WDFY4: variants seen among roughly 807,000 people sequenced by gnomAD.
The protein encoded by WDFY4 is WDFY family member 4.
Under a neutral mutation model 351.9 loss-of-function variants are expected in WDFY4, and 169 were observed. That is an observed-to-expected ratio of 0.48 (90% CI 0.42 to 0.55). WDFY4 has a LOEUF of 0.55. Ranked by LOEUF, WDFY4 falls within the 20% of genes least tolerant of loss-of-function variation. The pLI is 0.00. For missense variants in WDFY4, 3,803 were observed against 3,935.6 expected (o/e 0.97, Z 0.90); for synonymous variants, 1,622 against 1,574.6 (o/e 1.03, Z -0.71).
intron 45 of WDFY4, 29 bp downstream of exon 45, chr10:48,897,603 G>C (rs1335868565): frequency 2.0e-6 from 3 of 1,537,694 alleles, no homozygotes; most frequent in Non-Finnish European, 2.6e-6. Flanking sequence ...GGCACGCCTG[G>C]GGCCTGCGAG....
chr10:48,759,313 T>C (rs1410043370), intron 12 of WDFY4, among the ~76,000 whole-genome samples: 1 of 152,184 alleles, frequency 6.6e-6, no homozygotes, highest in East Asian at 1.9e-4. Context: ...CTCTTCTTCA[T>C]CCTTTCCTTA....
chr10:48,689,174 C>A (rs950275), intron 1 of WDFY4, among the ~76,000 whole-genome samples: 40,972 of 152,014 alleles, frequency 0.27, 5,680 homozygotes, highest in Middle Eastern at 0.37. Context: ...AGAGCTGCTA[C>A]CCGTTTTATT....
At chr10:48,888,304 CCTTCCTTCCTTT>C (rs1472888684) in intron 43 of WDFY4, among the ~76,000 whole-genome samples, 22 of 135,228 alleles carry the variant, frequency 1.6e-4, no homozygotes, top group African/African-American at 5.6e-4. Context: ...CTCTTTCCTT[CCTTCCTTCCTTT>C]CTTCCTTCTT....
chr10:48,866,732 G>T (rs1051010585), intron 39 of WDFY4, among the ~76,000 whole-genome samples: 6 of 152,180 alleles, frequency 3.9e-5, no homozygotes, highest in African/African-American at 1.4e-4. Flanking sequence ...ATCATAGTTG[G>T]AGATGGAAGC....
chr10:48,867,351 C>A lies in WDFY4; in HGVS notation c.6741+9C>A. ...ACAAAGACCATGTGCAAGTAAGAAA[C>A]AAAACATAGGCTTTCTCTATACAGC... On this transcript the variant is annotated intron_variant, in intron 40 of 61. Coordinates refer to ENST00000325239, the MANE Select transcript of WDFY4 (RefSeq NM_001394531.1). 1 of 1,471,296 alleles carries A rather than the reference C, an allele frequency of 6.8e-7. No homozygotes were observed. The highest frequency in any genetic ancestry group is 9.1e-7 in the Non-Finnish European group (1 of 1,104,768). The allele number at this position is 1,471,296 out of a possible 1,614,324, so 91.1% of individuals were successfully genotyped here.
intron 39 of WDFY4, among the ~76,000 whole-genome samples, chr10:48,848,763 C>T (rs981666328): frequency 6.6e-6 from 1 of 152,348 alleles, no homozygotes; most frequent in Admixed American, 6.5e-5. Flanking sequence ...GCAGAGCTTA[C>T]CTACTGCTGT....
rs964825139 is a variant in WDFY4, at chr10:48,805,949, A to T, written c.4647-55A>T. 1.4e-4 allele frequency: 211 copies of T among 1,460,956 alleles called. 1 individual carries two copies. The South Asian group carries it at 2.1e-3, about 14-fold the overall frequency. The allele number at this position is 1,460,956 out of a possible 1,614,324, so 90.5% of individuals were successfully genotyped here. On this transcript the variant is annotated intron_variant, in intron 26 of 61. Transcript: ENST00000325239. ...TATGTGAAAACACTGGCATGTACTC[A>T]GCGGACTCAGTTGAGCCCGCCTGCG...
At chr10:48,751,052 C>T (rs1156301700) in intron 12 of WDFY4, among the ~76,000 whole-genome samples, 1 of 152,198 alleles carries the variant, frequency 6.6e-6, no homozygotes, top group African/African-American at 2.4e-5. Flanking sequence ...TGTCCTGCAA[C>T]TGCTTCAGAT....
At position 48,823,449 on chromosome 10, in the gene WDFY4, C is replaced by T. The variant is rs564139081; in HGVS notation, c.5982+912C>T. The T allele has an allele frequency of 8.5e-5, 101 of 1,191,182 alleles. 1 individual carries two copies. In the African/African-American group the frequency reaches 1.5e-3, roughly 18 times the overall value. 73.8% of individuals were successfully genotyped at this position (1,191,182 alleles called of 1,614,324 possible). The stretch of plus-strand genomic sequence containing the variant: ...TCTCATAGAGAGTGAAATTGGCTCC[C>T]AGCACCCTTCTGACTGCAGAGTCAC... On this transcript the variant is annotated intron_variant, in intron 35 of 61. Transcript: ENST00000325239.
Position 48,803,319 on chromosome 10 carries a change from A to G in WDFY4, c.4444A>G (p.Ser1482Gly), listed in dbSNP as rs2067146082. The G allele has an allele frequency of 6.4e-7, 1 of 1,551,876 alleles. No individual in the cohort carries two copies. Among genetic ancestry groups the G allele is most frequent in the African/African-American group, 1.4e-5 (1 of 73,066 alleles). ...WMNTADNLELSLFSHLLEILQ... is the reference protein window; with the variant it reads ...WMNTADNLELGLFSHLLEILQ... The stretch of plus-strand genomic sequence containing the variant: ...GAATACTGCAGACAATCTGGAGCTC[A>G]GCCTCTTTTCCCATCTTTTGGAAAT... Residue 1482 changes from serine (S) to glycine (G), a missense_variant, in exon 25 of 62, where the codon AGC (serine) becomes GGC (glycine). By Grantham distance (56) the Ser-to-Gly change is moderately conservative. Transcript: ENST00000325239.
chr10:48,774,471 T>C lies in WDFY4; in HGVS notation c.2567T>C (p.Ile856Thr). 7 of 1,551,712 alleles carry C rather than the reference T, an allele frequency of 4.5e-6. No individual in the cohort carries two copies. Among genetic ancestry groups the C allele is most frequent in the Non-Finnish European group, 6.1e-6 (7 of 1,146,998 alleles). ...GGTCACTCTTAGCTTTCCGAGGAGA[T>C]CCAGTGCTCCCTGGCCAGTCATATC... ...HEDHPQLSEE[I>T]QCSLASHIQS... The change falls in exon 14 of 62, where the codon ATC (isoleucine) becomes ACC (threonine). Residue 856 changes from isoleucine to threonine, a missense_variant. Coordinates refer to ENST00000325239, the MANE Select transcript of WDFY4 (RefSeq NM_001394531.1).
intron 47 of WDFY4, among the ~76,000 whole-genome samples, chr10:48,936,009 A>C (rs1474801523): frequency 6.6e-6 from 1 of 152,202 alleles, no homozygotes; most frequent in Admixed American, 6.5e-5. Flanking sequence ...GCATTGGAAA[A>C]AAATTTGAAA....
intron 25 of WDFY4, among the ~76,000 whole-genome samples, 161 bp downstream of exon 25, chr10:48,803,520 T>G (rs954040004): frequency 6.6e-6 from 1 of 151,966 alleles, no homozygotes; most frequent in Non-Finnish European, 1.5e-5. Context: ...GGCAGTCTCC[T>G]CTCATGGTCT....
Position 48,693,707 on chromosome 10 carries a change from G to A in WDFY4, c.-18+8706G>A, listed in dbSNP as rs954360534. Among the ~76,000 whole-genome samples the A allele has an allele frequency of 3.9e-5, 6 of 152,358 alleles. No homozygotes were observed. In the East Asian group the frequency reaches 1.2e-3, roughly 29 times the overall value. On this transcript the variant is annotated intron_variant, in intron 1 of 61. Transcript: ENST00000325239. The stretch of plus-strand genomic sequence containing the variant: ...GGAAACTGAGTCACAGAAAAGCAAA[G>A]AGACTCAGCTTGGAGGCTGAAGCCC...
In WDFY4 at chr10:48,973,406, G is replaced by A. The variant is rs1842418361; in HGVS notation, c.8929-1456G>A. Among the ~76,000 whole-genome samples, 4 of 152,186 alleles carry A rather than the reference G, an allele frequency of 2.6e-5. No homozygotes were observed. In the South Asian group the frequency reaches 6.2e-4, roughly 24 times the overall value. On this transcript the variant is annotated intron_variant, in intron 57 of 61. Coordinates refer to ENST00000325239, the MANE Select transcript of WDFY4 (RefSeq NM_001394531.1). ...GCACCATCTGGTTGGCGTCATGTTA[G>A]GATCCATTAAGGACAAACAGGAGCT...
Position 48,873,648 on chromosome 10 carries a change from G to A in WDFY4, c.6899G>A (p.Arg2300His), listed in dbSNP as rs537213971. Residue 2300 changes from arginine (R) to histidine (H), a missense_variant, in exon 41 of 62, where the codon CGC becomes CAC. By Grantham distance (29) the Arg-to-His change is conservative. Around this residue, in one of 3 missense-constraint regions of WDFY4, gnomAD observed 3,054 missense variants for 3,148.6 expected, o/e 0.97. Transcript: ENST00000325239. ...GAAGGACCAGCTCGAATGAGGAAAC[G>A]CATCAAACGCTTGTCTCCTTTGGAG... Reference protein sequence around the residue: ...WREGPARMRKRIKRLSPLEAL... With the variant: ...WREGPARMRKHIKRLSPLEAL... 8.4e-6 allele frequency: 13 copies of A among 1,551,820 alleles called. No individual in the cohort carries two copies. The highest frequency in any genetic ancestry group is 5.9e-5 in the South Asian group (5 of 84,060).
chr10:48,957,081 G>A (rs1214525233), intron 51 of WDFY4, 48 bp from the exon 52 acceptor site: 1 of 1,532,398 alleles, frequency 6.5e-7, no homozygotes, highest in Non-Finnish European at 8.8e-7. Flanking sequence ...TGGCCAGCAG[G>A]AGGGTGCCAG....
intron 15 of WDFY4, 21 bp from the exon 16 acceptor site, chr10:48,776,729 T>C: frequency 6.6e-7 from 1 of 1,505,434 alleles, no homozygotes; most frequent in South Asian, 1.3e-5. Flanking sequence ...GACACATCTC[T>C]TCTCTTGCTT....
At chr10:48,831,612 A>G (rs1414237916) in intron 38 of WDFY4, among the ~76,000 whole-genome samples, 1 of 152,230 alleles carries the variant, frequency 6.6e-6, no homozygotes, top group Non-Finnish European at 1.5e-5. Context: ...GTATATATAC[A>G]TATCTGGTTT....
Sources: allele counts gnomAD v4.1 joint callset (sites outside exome capture counted in the v4.1 genomes callset), GRCh38; gene constraint gnomAD v4.1.1; regional missense constraint gnomAD v4.1.1; transcripts MANE v1.5; gene names NCBI Gene and HGNC (gene_info 2026-07-23, HGNC 2026-07-21).